NOSTRIN: variants seen among roughly 807,000 people sequenced by gnomAD.
NOSTRIN encodes nitric oxide synthase trafficking.
In NOSTRIN, 63 loss-of-function variants were observed where a neutral mutation model predicts 59.0. The observed-to-expected ratio is 1.07, with a 90% CI of 0.87 to 1.32. NOSTRIN has a LOEUF of 1.32. Among genes scored for constraint, NOSTRIN ranks in the 40% most tolerant of loss-of-function variants. The pLI is 0.00. For synonymous variants in NOSTRIN, 200 were observed against 165.4 expected (o/e 1.21, Z -1.61); for missense variants, 512 against 473.1 (o/e 1.08, Z -0.76).
upstream of NOSTRIN, among the ~76,000 whole-genome samples, chr2:168,796,958 G>A (rs893815197): frequency 2.6e-5 from 4 of 152,078 alleles, no homozygotes; most frequent in Admixed American, 2.6e-4. Context: ...TCAAATGAAA[G>A]CAATTATTTA....
chr2:168,842,882 C>A, intron 7 of NOSTRIN, 110 bp from the exon 8 acceptor site: 1 of 757,544 alleles, frequency 1.3e-6, no homozygotes, highest in Non-Finnish European at 2.3e-6. Flanking sequence ...TATGACTCTA[C>A]GTGAGAGGTG....
At position 168,851,369 on chromosome 2, in the gene NOSTRIN, GA is replaced by G; in HGVS notation, c.824del (p.Asn275ThrfsTer7). 1 of 1,612,590 alleles carries G rather than the reference GA, an allele frequency of 6.2e-7. No homozygotes were observed. On this transcript the variant is annotated frameshift_variant, in exon 10 of 16. Transcript: ENST00000317647. LOFTEE classifies it high-confidence loss of function. ...VMEETAILST[E>X]NKSEFLLTDY... ...GGAAGAAACTGCAATTTTATCTACA[GA>G]AAACAAATCTGAGTTCCTGTTAACG...
At chr2:168,847,710 T>C (rs191075241) in intron 8 of NOSTRIN, among the ~76,000 whole-genome samples, 16 of 152,322 alleles carry the variant, frequency 1.1e-4, no homozygotes, top group Admixed American at 9.8e-4. Context: ...ATATATACTA[T>C]TGTGGAACCT....
intron 2 of NOSTRIN, among the ~76,000 whole-genome samples, chr2:168,790,819 T>C (rs1033679739): frequency 3.3e-5 from 5 of 152,192 alleles, no homozygotes; most frequent in African/African-American, 1.2e-4. Context: ...TGTATTTTGG[T>C]TTTGTTGGAG....
chr2:168,857,587 A>T (rs1426113482), intron 12 of NOSTRIN, among the ~76,000 whole-genome samples: 2 of 152,204 alleles, frequency 1.3e-5, no homozygotes, highest in Non-Finnish European at 2.9e-5. Context: ...AGGGAAAGGG[A>T]TAGTTAACAA....
At chr2:168,789,850 CA>C (rs1344558187) in intron 2 of NOSTRIN, among the ~76,000 whole-genome samples, 2 of 152,132 alleles carry the variant, frequency 1.3e-5, no homozygotes, top group Non-Finnish European at 2.9e-5. Context: ...ACCATTCTGC[CA>C]GCTCTGAGCG....
chr2:168,850,601 T>G (rs1333049032), intron 8 of NOSTRIN, among the ~76,000 whole-genome samples: 3 of 151,894 alleles, frequency 2.0e-5, no homozygotes, highest in African/African-American at 7.3e-5. Flanking sequence ...TCCCAATTTT[T>G]TTTTTTTTTT....
At chr2:168,788,603 G>C (rs1282266813) in intron 2 of NOSTRIN, among the ~76,000 whole-genome samples, 18 of 152,132 alleles carry the variant, frequency 1.2e-4, no homozygotes. Flanking sequence ...GGCATGAGAA[G>C]CCAGAGCATG....
At position 168,843,106 on chromosome 2, in the gene NOSTRIN, A is replaced by C. The variant is rs1688198087; in HGVS notation, c.619A>C (p.Asn207His). The C allele has an allele frequency of 3.4e-6, 3 of 870,406 alleles. No homozygotes were observed. The highest frequency in any genetic ancestry group is 6.0e-6 in the Non-Finnish European group (3 of 500,952). The allele number at this position is 870,406 out of a possible 1,614,324, so 53.9% of individuals were successfully genotyped here. Reference sequence around the variant, plus strand: ...ACTGAAATGGGAAAACACACTAGAGAACTGCTACCAGGTAAGTTATATATT... The same window carrying C: ...ACTGAAATGGGAAAACACACTAGAGCACTGCTACCAGGTAAGTTATATATT... ...TRLKWENTLE[N>H]CYQSILELEK... The change falls in exon 8 of 16, where the codon AAC becomes CAC. Residue 207 changes from asparagine (N) to histidine (H), a missense_variant. Asn to His is a moderately conservative substitution (Grantham distance 68). Transcript: ENST00000317647.
At chr2:168,813,269 G>A (rs17200279) in intron 2 of NOSTRIN, among the ~76,000 whole-genome samples, 23,281 of 152,120 alleles carry the variant, frequency 0.15, 1,970 homozygotes, top group African/African-American at 0.17. Context: ...GGCATGTAAC[G>A]TGGGTTGTAG....
chr2:168,802,210 C>T (rs1197093792), upstream of NOSTRIN, among the ~76,000 whole-genome samples: 1 of 152,080 alleles, frequency 6.6e-6, no homozygotes, highest in African/African-American at 2.4e-5. Context: ...AGTCTGTCTC[C>T]AAGTCCATGA....
At chr2:168,788,823 A>G (rs1326244939) in intron 2 of NOSTRIN, among the ~76,000 whole-genome samples, 4 of 152,172 alleles carry the variant, frequency 2.6e-5, no homozygotes, top group Admixed American at 6.5e-5. Context: ...TATCAAAATG[A>G]ACACAGATGT....
intron 6 of NOSTRIN, among the ~76,000 whole-genome samples, chr2:168,832,352 AG>A (rs918121899): frequency 6.6e-6 from 1 of 152,240 alleles, no homozygotes; most frequent in African/African-American, 2.4e-5. Flanking sequence ...AATGTAGTAT[AG>A]GAGGAATTCA....
In NOSTRIN at chr2:168,842,996, T is replaced by C. The variant is rs757339062; in HGVS notation, c.509T>C (p.Leu170Pro). ...SMTEKEKRKL[L>P]NKLTKSTEKL... ...GACATTGATGTTTTACATTAGCTCC[T>C]CAATAAACTGACAAAATCAACTGAA... The change falls in exon 8 of 16, where the codon CTC becomes CCC. Residue 170 changes from leucine (L) to proline (P), a missense_variant. By Grantham distance (98) the Leu-to-Pro change is moderately conservative. Transcript: ENST00000317647. 1.1e-6 allele frequency: 1 copy of C among 872,144 alleles called. No homozygotes were observed. Among genetic ancestry groups the C allele is most frequent in the South Asian group, 1.3e-5 (1 of 76,426 alleles). The allele number at this position is 872,144 out of a possible 1,614,324, so 54.0% of individuals were successfully genotyped here.
intron 7 of NOSTRIN, among the ~76,000 whole-genome samples, chr2:168,834,990 A>G (rs1234874318): frequency 6.6e-6 from 1 of 152,166 alleles, no homozygotes; most frequent in Non-Finnish European, 1.5e-5. Context: ...TCATTAAGTA[A>G]TGTTTTCAGG....
intron 12 of NOSTRIN, among the ~76,000 whole-genome samples, chr2:168,856,998 G>C (rs1490673568): frequency 6.6e-6 from 1 of 152,124 alleles, no homozygotes; most frequent in East Asian, 1.9e-4. Context: ...GAAAAGAATT[G>C]TGTCTAAAAT....
Position 168,864,965 on chromosome 2 carries a change from G to C in NOSTRIN, c.1516G>C (p.Ala506Pro). 1.2e-6 allele frequency: 2 copies of C among 1,613,886 alleles called. No individual in the cohort carries two copies. The highest frequency in any genetic ancestry group is 1.7e-6 in the Non-Finnish European group (2 of 1,179,968). The change falls in exon 16 of 16, where the codon GCA (alanine) becomes CCA (proline). Residue 506 changes from alanine (A) to proline (P), a missense_variant. Transcript: ENST00000317647. The stretch of plus-strand genomic sequence containing the variant: ...AAATGCTGGCAACACAGCTACAAAG[G>C]CATAAAACAAGACTCTGAACATACT... ...PSNAGNTATK[A>P]
chr2:168,789,009 C>T (rs1685277195), intron 2 of NOSTRIN, among the ~76,000 whole-genome samples: 1 of 152,092 alleles, frequency 6.6e-6, no homozygotes, highest in African/African-American at 2.4e-5. Context: ...CTGAGCACAC[C>T]TAGCACCCCA....
chr2:168,853,829 C>T (rs1688914666), intron 10 of NOSTRIN, among the ~76,000 whole-genome samples: 1 of 152,118 alleles, frequency 6.6e-6, no homozygotes. Flanking sequence ...ATAAAACCAA[C>T]CATTGAGTTG....
Sources: gnomAD v4.1 joint callset for allele counts (sites outside exome capture counted in the v4.1 genomes callset) on GRCh38, gnomAD v4.1.1 for gene constraint, MANE v1.5 for transcripts, NCBI Gene and HGNC (gene_info 2026-07-23, HGNC 2026-07-21) for gene names.